Variants in ANO4 observed in about 807,000 individuals in gnomAD.
The protein encoded by ANO4 is anoctamin-4.
A neutral mutation model predicts 141.9 loss-of-function variants in ANO4; 69 were observed. The ratio of observed to expected loss-of-function variants is 0.49; its 90% CI spans 0.40 to 0.59. The LOEUF (loss-of-function observed/expected upper bound fraction) is 0.59. ANO4 is among the 20% of genes least tolerant of loss of function. The pLI, the probability that ANO4 is intolerant of heterozygous loss-of-function variation, is 0.00. For synonymous variants in ANO4, 350 were observed against 394.3 expected, an observed-to-expected ratio of 0.89 and a Z score of 1.33; for missense variants, 894 against 1,162.2, an observed-to-expected ratio of 0.77 and a Z score of 3.36.
intron 1 of ANO4, among the ~76,000 whole-genome samples, chr12:100,874,135 A>G (rs1171449748): frequency 6.6e-6 from 1 of 152,200 alleles, no homozygotes; most frequent in African/African-American, 2.4e-5. Context: ...GATGTATGGA[A>G]ATGGCTGGAT....
At chr12:100,756,856 CT>C (rs1191623320) in intron 3 of ANO4, among the ~76,000 whole-genome samples, 2 of 152,136 alleles carry the variant, frequency 1.3e-5, no homozygotes, top group East Asian at 3.9e-4. Context: ...GCTCTCTCTG[CT>C]TTTCCTGGTC....
intron 3 of ANO4, among the ~76,000 whole-genome samples, chr12:100,741,393 A>G (rs1483854950): frequency 6.6e-6 from 1 of 152,218 alleles, no homozygotes; most frequent in Non-Finnish European, 1.5e-5. Flanking sequence ...ACTAAAGGTT[A>G]AGAATCAGCA....
chr12:100,867,612 TCACACA>T (rs35222532), intron 1 of ANO4, among the ~76,000 whole-genome samples: 9 of 149,866 alleles, frequency 6.0e-5, no homozygotes, highest in Non-Finnish European at 1.2e-4. Flanking sequence ...TCTCTCTCTC[TCACACA>T]CACACACACA....
At chr12:100,743,978 G>A (rs928025624) in intron 3 of ANO4, among the ~76,000 whole-genome samples, 2 of 151,864 alleles carry the variant, frequency 1.3e-5, no homozygotes, top group African/African-American at 2.4e-5. Context: ...TACCACCTCC[G>A]CCTCACAACT....
chr12:100,791,688 A>G (rs1362544483), upstream of ANO4, among the ~76,000 whole-genome samples: 2 of 152,170 alleles, frequency 1.3e-5, no homozygotes, highest in Admixed American at 6.5e-5. Context: ...ACCCCCTCCT[A>G]TGTTCAAATC....
Position 100,922,232 on chromosome 12 carries a change from G to C in ANO4, c.62G>C (p.Gly21Ala). Residue 21 changes from glycine (G) to alanine (A), a missense_variant, in exon 3 of 28, where the codon GGT (glycine) becomes GCT (alanine). Gly to Ala is a moderately conservative substitution (Grantham distance 60, BLOSUM62 0). Around this residue, in one of 2 missense-constraint regions of ANO4, gnomAD observed 257 missense variants for 253.0 expected, o/e 1.02. Coordinates refer to ENST00000392977, the MANE Select transcript of ANO4 (RefSeq NM_001286615.2). The stretch of plus-strand genomic sequence containing the variant: ...ATATCTTTCATTTCTCTAGAAGGAG[G>C]TGTGGATTTGCAAGGCTACCAGCTG... ...GKTKVFHPEG[G>A]VDLQGYQLDM... 6.5e-6 allele frequency: 10 copies of C among 1,530,922 alleles called. No individual in the cohort carries two copies. The highest frequency in any genetic ancestry group is 7.9e-6 in the Non-Finnish European group (9 of 1,144,954). 94.8% of individuals were successfully genotyped at this position (1,530,922 alleles called of 1,614,324 possible). A position where few individuals can be genotyped will look rare whatever the true frequency, so the allele number is the denominator to read the frequency against.
intron 14 of ANO4, among the ~76,000 whole-genome samples, chr12:101,049,186 A>G (rs1265974392): frequency 6.6e-6 from 1 of 152,178 alleles, no homozygotes; most frequent in African/African-American, 2.4e-5. Flanking sequence ...TGAATTTTTT[A>G]CAATTATACT....
intron 3 of ANO4, among the ~76,000 whole-genome samples, chr12:100,760,292 A>G (rs893581448): frequency 5.3e-5 from 8 of 152,228 alleles, no homozygotes; most frequent in African/African-American, 1.7e-4. Context: ...CACTGACAGC[A>G]GCCCTCTCTG....
intron 8 of ANO4, among the ~76,000 whole-genome samples, chr12:101,003,512 A>T (rs1247834977): frequency 6.6e-6 from 1 of 152,200 alleles, no homozygotes; most frequent in East Asian, 1.9e-4. Context: ...ATGAGTAGAG[A>T]TATATTTTCA....
chr12:101,000,182 A>G (rs887434539), intron 8 of ANO4, among the ~76,000 whole-genome samples: 1 of 152,212 alleles, frequency 6.6e-6, no homozygotes, highest in Admixed American at 6.5e-5. Flanking sequence ...AGAATCTGCA[A>G]AGTTGCAGTT....
At chr12:101,030,233 C>T (rs1369387689) in intron 9 of ANO4, among the ~76,000 whole-genome samples, 1 of 152,110 alleles carries the variant, frequency 6.6e-6, no homozygotes, top group East Asian at 1.9e-4. Flanking sequence ...GGAAGTAAAA[C>T]ACTCCTCAGC....
intron 1 of ANO4, among the ~76,000 whole-genome samples, chr12:100,837,951 C>T (rs2037029260): frequency 6.6e-6 from 1 of 152,102 alleles, no homozygotes; most frequent in Non-Finnish European, 1.5e-5. Context: ...ACTGCCCCTT[C>T]CTTTTTAACA....
chr12:100,946,999 A>G (rs1208784863), intron 5 of ANO4, among the ~76,000 whole-genome samples: 1 of 152,218 alleles, frequency 6.6e-6, no homozygotes, highest in Non-Finnish European at 1.5e-5. Context: ...GGTCTGGGCA[A>G]GAGAAGTTTC....
chr12:100,917,131 A>G (rs1216562181), intron 2 of ANO4, among the ~76,000 whole-genome samples: 1 of 152,222 alleles, frequency 6.6e-6, no homozygotes, highest in Non-Finnish European at 1.5e-5. Context: ...TGTCCATAAA[A>G]TGTGGGGAAA....
intron 1 of ANO4, among the ~76,000 whole-genome samples, chr12:100,847,481 T>TTTTTC (rs1298575965): frequency 7.2e-6 from 1 of 139,742 alleles, no homozygotes; most frequent in Non-Finnish European, 1.6e-5. Flanking sequence ...GATAATTTTT[T>TTTTTC]TTTTTTTTGA....
intron 5 of ANO4, among the ~76,000 whole-genome samples, chr12:100,955,490 A>G (rs1454184353): frequency 6.6e-6 from 1 of 152,192 alleles, no homozygotes. Context: ...CCCTAGAAGC[A>G]TTTATTCTGC....
At chr12:100,903,964 A>T (rs1312233161) in intron 2 of ANO4, among the ~76,000 whole-genome samples, 1 of 152,184 alleles carries the variant, frequency 6.6e-6, no homozygotes, top group Admixed American at 6.5e-5. Flanking sequence ...ATGCTGTTTC[A>T]TGCCTCCCAA....
intron 1 of ANO4, among the ~76,000 whole-genome samples, chr12:100,842,706 C>G (rs1050824942): frequency 2.0e-5 from 3 of 152,056 alleles, no homozygotes; most frequent in African/African-American, 7.2e-5. Context: ...TTCTCTGCTT[C>G]CAAAATGGTG....
chr12:101,116,531 C>G (rs935133152), intron 24 of ANO4, 148 bp from the exon 25 acceptor site: 56 of 1,112,286 alleles, frequency 5.0e-5, no homozygotes, highest in Middle Eastern at 4.2e-4. Context: ...GGCTTTCCAG[C>G]GTATCCCAAC....
Sources: gnomAD v4.1 joint callset for allele counts (sites outside exome capture counted in the v4.1 genomes callset) on GRCh38, gnomAD v4.1.1 for gene constraint, gnomAD v4.1.1 regional missense constraint, MANE v1.5 for transcripts, NCBI Gene and HGNC (gene_info 2026-07-23, HGNC 2026-07-21) for gene names.